RTL9: variants seen among roughly 807,000 people sequenced by gnomAD.
RTL9 encodes the protein retrotransposon Gag like 9.
RTL9 carries 19 observed loss-of-function variants against 44.7 expected under a neutral mutation model. The ratio of observed to expected loss-of-function variants is 0.42; its 90% CI spans 0.30 to 0.62. The LOEUF (loss-of-function observed/expected upper bound fraction) is 0.62. Ranked by LOEUF, RTL9 falls within the 20% of genes least tolerant of loss-of-function variation. RTL9 has a pLI of 0.16. For synonymous variants in RTL9, 407 were observed against 398.9 expected (o/e 1.02, Z -0.24); for missense variants, 1,105 against 1,080.6 (o/e 1.02, Z -0.32).
upstream of RTL9, among the ~76,000 whole-genome samples, chrX:110,414,059 C>A: frequency 9.0e-6 from 1 of 111,662 alleles, no homozygotes. Flanking sequence ...CAGAATCTTG[C>A]GTATATCCCC....
At chrX:110,440,507 G>A (rs1175485299) in intron 1 of RTL9, among the ~76,000 whole-genome samples, 1 of 111,853 alleles carries the variant, frequency 8.9e-6, no homozygotes, top group East Asian at 2.8e-4. Flanking sequence ...GTCACGGCCT[G>A]CCTTCTTGTT....
chrX:110,406,617 T>C (rs1238813676), intron 1 of RTL9, among the ~76,000 whole-genome samples: 1 of 112,135 alleles, frequency 8.9e-6, no homozygotes, highest in Admixed American at 9.4e-5. Context: ...TTTGTGTATA[T>C]GCCCAGTAAT....
chrX:110,440,665 C>G (rs955282867), intron 1 of RTL9, among the ~76,000 whole-genome samples: 3 of 112,518 alleles, frequency 2.7e-5, no homozygotes, highest in African/African-American at 9.7e-5. Flanking sequence ...TTCTGCATTT[C>G]AAACAAAGGA....
chrX:110,433,007 G>A (rs1488350665), intron 1 of RTL9, among the ~76,000 whole-genome samples: 2 of 112,593 alleles, frequency 1.8e-5, no homozygotes, highest in Non-Finnish European at 3.8e-5. Flanking sequence ...GCAAGTCCTC[G>A]ACCTCCTGGC....
At chrX:110,359,608 G>A (rs1324746127) in intron 1 of RTL9, among the ~76,000 whole-genome samples, 1 of 111,080 alleles carries the variant, frequency 9.0e-6, no homozygotes, top group Non-Finnish European at 1.9e-5. Context: ...ACCATCTGAT[G>A]GAATTTAACT....
intron 1 of RTL9, among the ~76,000 whole-genome samples, chrX:110,387,051 CA>C (rs779769699): frequency 1.2e-4 from 14 of 112,083 alleles, no homozygotes; most frequent in South Asian, 7.4e-4. Flanking sequence ...CTGAGGTGGT[CA>C]GGGGAAGCTT....
At chrX:110,416,643 T>C (rs1178349742), upstream of RTL9, among the ~76,000 whole-genome samples, 2 of 112,192 alleles carry the variant, frequency 1.8e-5, no homozygotes, top group Middle Eastern at 9.3e-3. Flanking sequence ...TCAGAAACAC[T>C]GAAGACATGG....
rs775538543 is a variant in RTL9, at chrX:110,451,798, C to G, written c.1181C>G (p.Ala394Gly). ...TCTAATCCGCCAGTGAGAGCAACAG[C>G]CTCTGGGGTGATGTCTGCACCACCA... is the stretch of plus-strand genomic sequence containing the variant. Residue 394 changes from alanine to glycine, a missense_variant, in exon 1 of 2, where the codon GCC becomes GGC. Transcript: ENST00000540313. 6 of 1,209,509 alleles carry G rather than the reference C, an allele frequency of 5.0e-6. No homozygotes were observed. In the Admixed American group the frequency reaches 1.1e-4, roughly 22 times the overall value.
At chrX:110,387,252 C>T (rs1274266050) in intron 1 of RTL9, among the ~76,000 whole-genome samples, 2 of 112,462 alleles carry the variant, frequency 1.8e-5, no homozygotes, top group Non-Finnish European at 3.8e-5. Context: ...TGAAGACTTA[C>T]GTGGCCTCTG....
In RTL9 at chrX:110,373,915, T is replaced by C. The variant is rs774944280; in HGVS notation, c.-168+14999T>C. Among the ~76,000 whole-genome samples, 7 of 111,716 alleles carry C rather than the reference T, an allele frequency of 6.3e-5. No homozygotes were observed. In the South Asian group the frequency reaches 2.6e-3, roughly 42 times the overall value. Reference sequence around the variant, plus strand: ...ATGACAGTTTAAACTACAAATAAGTTATGAGTGAAGAGAGAACAAATGGAA... The same window carrying C: ...ATGACAGTTTAAACTACAAATAAGTCATGAGTGAAGAGAGAACAAATGGAA... On this transcript the variant is annotated intron_variant, in intron 1 of 2. Transcript: ENST00000520821.
chrX:110,452,847 A>T, exon 1 of RTL9: 1 of 1,211,602 alleles, frequency 8.3e-7, no homozygotes, highest in Non-Finnish European at 1.1e-6. Flanking sequence ...CGCTGGAGGG[A>T]TGCAGATGAA....
chrX:110,405,167 T>A (rs752836327), intron 1 of RTL9, among the ~76,000 whole-genome samples: 1 of 105,522 alleles, frequency 9.5e-6, no homozygotes, highest in Non-Finnish European at 1.9e-5. Context: ...GCTGTTGGGA[T>A]TTTGCATACA....
rs775618129 is a variant in RTL9 at position 110,407,039 on chromosome X, G to A, written c.-167-38114G>A. On this transcript the variant is annotated intron_variant, in intron 1 of 2. Transcript: ENST00000520821. ...TTGATTGTGTTTTCTCCTTTTCCTC[G>A]GAAAGCTCTGGTATTGCGCAAACGC... 5.4e-5 allele frequency among the ~76,000 whole-genome samples: 6 copies of A among 111,261 alleles called. No homozygotes were observed. The South Asian group carries it at 1.9e-3, about 35-fold the overall frequency.
chrX:110,422,242 C>T (rs1321931366), intron 1 of RTL9, among the ~76,000 whole-genome samples: 2 of 112,704 alleles, frequency 1.8e-5, no homozygotes, highest in African/African-American at 6.5e-5. Flanking sequence ...TGTTCCCTCC[C>T]CTGACTGGCA....
At chrX:110,366,931 A>G (rs1023134646) in intron 1 of RTL9, among the ~76,000 whole-genome samples, 4 of 110,841 alleles carry the variant, frequency 3.6e-5, no homozygotes, top group Admixed American at 2.9e-4. Context: ...AACTTCCGAC[A>G]CTTGTTTCTA....
intron 1 of RTL9, among the ~76,000 whole-genome samples, chrX:110,410,954 C>G (rs1160628048): frequency 8.9e-6 from 1 of 112,245 alleles, no homozygotes; most frequent in African/African-American, 3.2e-5. Context: ...TAGGCACTTC[C>G]TATTTTGGTT....
intron 1 of RTL9, among the ~76,000 whole-genome samples, chrX:110,420,907 A>G (rs1356980591): frequency 9.0e-6 from 1 of 111,676 alleles, no homozygotes; most frequent in African/African-American, 3.3e-5. Context: ...CGTCCATCAC[A>G]CACAGCGCCC....
At position 110,373,885 on chromosome X, in the gene RTL9, G is replaced by T. The variant is rs185943674; in HGVS notation, c.-168+14969G>T. Among the ~76,000 whole-genome samples the T allele has an allele frequency of 6.3e-5, 7 of 111,823 alleles. No homozygotes were observed. The East Asian group carries it at 2.0e-3, about 31-fold the overall frequency. On this transcript the variant is annotated intron_variant, in intron 1 of 2. Coordinates refer to the RTL9 transcript ENST00000520821. The stretch of plus-strand genomic sequence containing the variant: ...CTAGCCCCAATGAAATATTTAAAAA[G>T]TCAAATGACAGTTTAAACTACAAAT...
chrX:110,452,556 G>C (rs761878477), exon 1 of RTL9: 1 of 1,211,645 alleles, frequency 8.3e-7, no homozygotes, highest in Non-Finnish European at 1.1e-6. Flanking sequence ...GCTAATGAGA[G>C]ACACAGTTTC....
Sources: allele counts gnomAD v4.1 joint callset (sites outside exome capture counted in the v4.1 genomes callset), GRCh38; gene constraint gnomAD v4.1.1; transcripts MANE v1.5; gene names NCBI Gene and HGNC (gene_info 2026-07-23, HGNC 2026-07-21).